ICA1: variants seen among roughly 807,000 people sequenced by gnomAD.
The protein encoded by ICA1 is islet cell autoantigen 1.
Under a neutral mutation model 71.0 loss-of-function variants are expected in ICA1, and 40 were observed. The ratio of observed to expected loss-of-function variants is 0.56; its 90% confidence interval spans 0.44 to 0.73. The LOEUF (loss-of-function observed/expected upper bound fraction) is 0.73. Among genes scored for constraint, ICA1 ranks in the 30% least tolerant of loss-of-function variants. ICA1 has a pLI of 0.00. For synonymous variants in ICA1, 207 were observed against 209.5 expected (o/e 0.99, Z 0.10); for missense variants, 578 against 576.5 (o/e 1.00, Z -0.03).
chr7:8,113,757 A>T lies in ICA1; in HGVS notation c.*166T>A. ...AGATACACGAAAACCCTTTATACCA[A>T]ATAAGAGTAAATAATTATACCAATA... On this transcript the variant is annotated 3_prime_UTR_variant, in exon 14 of 14. Transcript: ENST00000402384. The surrounding 1 kb of genome is among the most constrained non-coding windows in gnomAD (Gnocchi z 4.2). 1.5e-6 allele frequency: 1 copy of T among 678,286 alleles called. No individual in the cohort carries two copies. The allele number at this position is 678,286 out of a possible 1,614,324, so 42.0% of individuals were successfully genotyped here.
chr7:8,145,764 A>ATATATATATATGTATATATATG lies in ICA1; in HGVS notation c.805-1793_805-1792insCATATATATACATATATATATA, dbSNP rs55971486. Among the ~76,000 whole-genome samples, 14 of 136,322 alleles carry ATATATATATATGTATATATATG rather than the reference A, an allele frequency of 1.0e-4. 1 individual carries two copies. The highest frequency in any genetic ancestry group is 3.4e-4 in the African/African-American group (13 of 38,292). 89.4% of individuals were successfully genotyped at this position (136,322 alleles called of 152,430 possible). ...AATCATTGTGTATATATATATATAT[A>ATATATATATATGTATATATATG]TATGTATATAAAATATATAGAGAGA... is the stretch of plus-strand genomic sequence containing the variant. On this transcript the variant is annotated intron_variant, in intron 8 of 13. Transcript: ENST00000402384.
At chr7:8,118,878 C>A (rs1281704736) in intron 13 of ICA1, among the ~76,000 whole-genome samples, 1 of 152,186 alleles carries the variant, frequency 6.6e-6, no homozygotes, top group African/African-American at 2.4e-5. Context: ...TGGGCATCAC[C>A]TATGTGCTGG....
intron 6 of ICA1, among the ~76,000 whole-genome samples, chr7:8,172,558 T>A (rs1042941035): frequency 3.9e-5 from 6 of 152,164 alleles, no homozygotes; most frequent in African/African-American, 1.4e-4. Flanking sequence ...TTTATATCTA[T>A]AGAGATGACT....
intron 6 of ICA1, among the ~76,000 whole-genome samples, chr7:8,160,054 C>T (rs183433727): frequency 1.1e-4 from 16 of 152,174 alleles, no homozygotes; most frequent in African/African-American, 2.9e-4. Context: ...CATTATATTG[C>T]CTAGCAACCT....
intron 6 of ICA1, 45 bp from the exon 7 acceptor site, chr7:8,158,697 T>G (rs1333083658): frequency 6.3e-7 from 1 of 1,590,818 alleles, no homozygotes; most frequent in Non-Finnish European, 8.6e-7. Flanking sequence ...AACCCTTAAG[T>G]AGGTAAAATT....
chr7:8,171,982 G>T (rs10156021), intron 6 of ICA1, among the ~76,000 whole-genome samples: 7,772 of 151,808 alleles, frequency 0.051, 666 homozygotes, highest in African/African-American at 0.17. Context: ...GCATAATTTT[G>T]ATTTTTAAAA....
At chr7:8,115,619 C>A (rs942116769) in intron 13 of ICA1, among the ~76,000 whole-genome samples, 1 of 152,154 alleles carries the variant, frequency 6.6e-6, no homozygotes, top group Non-Finnish European at 1.5e-5. Flanking sequence ...AAAGCAGGTG[C>A]AACTTATTTG....
chr7:8,227,383 C>T (rs956304045), intron 4 of ICA1, among the ~76,000 whole-genome samples: 16 of 152,016 alleles, frequency 1.1e-4, no homozygotes, highest in Admixed American at 3.9e-4. Context: ...GGAGAATCTG[C>T]GAGCTATTTA....
chr7:8,193,691 G>T (rs1786463886), intron 6 of ICA1, among the ~76,000 whole-genome samples: 1 of 152,054 alleles, frequency 6.6e-6, no homozygotes, highest in African/African-American at 2.4e-5. Flanking sequence ...TTAGAGTTTG[G>T]CCAGATATGA....
intron 1 of ICA1, among the ~76,000 whole-genome samples, chr7:8,256,672 C>T (rs148344691): frequency 2.4e-4 from 37 of 152,332 alleles, no homozygotes; most frequent in Admixed American, 9.1e-4. Flanking sequence ...GGTGCCACTG[C>T]ACTCCTGTAC....
chr7:8,236,411 T>A (rs1801855999), intron 1 of ICA1, among the ~76,000 whole-genome samples: 1 of 152,152 alleles, frequency 6.6e-6, no homozygotes, highest in African/African-American at 2.4e-5. Context: ...TGGTGTGGGA[T>A]GTGATGTGAG....
intron 6 of ICA1, among the ~76,000 whole-genome samples, chr7:8,177,908 G>A (rs372602830): frequency 2.0e-5 from 3 of 152,116 alleles, no homozygotes; most frequent in Non-Finnish European, 2.9e-5. Flanking sequence ...GGTTGATATC[G>A]GTGTTCAGAA....
chr7:8,241,017 C>T (rs906438175), intron 1 of ICA1, among the ~76,000 whole-genome samples: 4 of 152,036 alleles, frequency 2.6e-5, no homozygotes, highest in Non-Finnish European at 5.9e-5. Flanking sequence ...GAGAATTTCC[C>T]CAACCTAGCA....
intron 6 of ICA1, among the ~76,000 whole-genome samples, chr7:8,178,266 A>G (rs1005612363): frequency 6.6e-6 from 1 of 152,164 alleles, no homozygotes; most frequent in Non-Finnish European, 1.5e-5. Flanking sequence ...CTTGATTCCC[A>G]AAGTCTGATC....
Position 8,157,110 on chromosome 7 carries a change from C to G in ICA1, c.804+6G>C, listed in dbSNP as rs1200993727. 3 of 1,614,050 alleles carry G rather than the reference C, an allele frequency of 1.9e-6. No homozygotes were observed. In the African/African-American group the frequency reaches 4.0e-5, roughly 22 times the overall value. ...GATTTTCTAGTGGCCCCTCTAGCTT[C>G]CATACCTTTAAAGTAGTAAATTCAT... is the stretch of plus-strand genomic sequence containing the variant. On this transcript the variant is annotated splice_donor_region_variant and intron_variant, in intron 8 of 13. Coordinates refer to ENST00000402384, the MANE Select transcript of ICA1 (RefSeq NM_001136020.3).
Position 8,132,903 on chromosome 7 carries a change from C to G in ICA1, c.1061-4761G>C, listed in dbSNP as rs1327493553. Reference sequence around the variant, plus strand: ...GCCCATTGGTGAAGCTGCTGGTGCTCCATAGAGGAACCCTCTTACTGTGTA... The same window carrying G: ...GCCCATTGGTGAAGCTGCTGGTGCTGCATAGAGGAACCCTCTTACTGTGTA... On this transcript the variant is annotated intron_variant, in intron 12 of 13. Transcript: ENST00000402384. This position sits in a 1 kb window ranked among gnomAD's most constrained non-coding sequence, Gnocchi z 4.5. 6.6e-6 allele frequency among the ~76,000 whole-genome samples: 1 copy of G among 152,196 alleles called. No individual in the cohort carries two copies. The highest frequency in any genetic ancestry group is 1.5e-5 in the Non-Finnish European group (1 of 68,032).
At chr7:8,179,474 A>G (rs1329688430) in intron 6 of ICA1, among the ~76,000 whole-genome samples, 1 of 152,230 alleles carries the variant, frequency 6.6e-6, no homozygotes, top group African/African-American at 2.4e-5. Context: ...GATGATTACT[A>G]AAGTGTTCAG....
In ICA1 at chr7:8,235,967, G is replaced by T. The variant is rs763436721; in HGVS notation, c.-41C>A. 1 of 1,602,716 alleles carries T rather than the reference G, an allele frequency of 6.2e-7. No homozygotes were observed. Among genetic ancestry groups the T allele is most frequent in the Non-Finnish European group, 8.5e-7 (1 of 1,173,868 alleles). ...TATTGTTGATGATTTGGGGAGAAGGGGCAGGAAAAAAGCATGAGAGGATAA... is the reference window on the plus strand; with the variant it reads ...TATTGTTGATGATTTGGGGAGAAGGTGCAGGAAAAAAGCATGAGAGGATAA... On this transcript the variant is annotated 5_prime_UTR_variant, in exon 2 of 14. Transcript: ENST00000402384.
chr7:8,261,002 T>C (rs1250190096), intron 1 of ICA1, among the ~76,000 whole-genome samples: 3 of 152,222 alleles, frequency 2.0e-5, no homozygotes, highest in African/African-American at 7.2e-5. Context: ...AGGACCTTAA[T>C]GGCCAATAAA....
Sources: gnomAD v4.1 joint callset for allele counts (sites outside exome capture counted in the v4.1 genomes callset) on GRCh38, gnomAD v4.1.1 for gene constraint, Gnocchi (gnomAD v3.1) non-coding constraint, MANE v1.5 for transcripts, NCBI Gene and HGNC (gene_info 2026-07-23, HGNC 2026-07-21) for gene names.